The following ASIC2 variants were observed in gnomAD, a reference collection of about 807,000 sequenced individuals.
The protein encoded by ASIC2 is acid sensing ion channel subunit 2.
A neutral mutation model predicts 57.3 loss-of-function variants in ASIC2; 25 were observed. The ratio of observed to expected loss-of-function variants is 0.44; its 90% CI spans 0.32 to 0.61. The LOEUF is 0.61. Among genes scored for constraint, ASIC2 ranks in the 20% least tolerant of loss-of-function variants. ASIC2 has a pLI of 0.06. For synonymous variants in ASIC2, 319 were observed against 307.5 expected (o/e 1.04, Z -0.39); for missense variants, 641 against 738.1 (o/e 0.87, Z 1.52).
intron 1 of ASIC2, among the ~76,000 whole-genome samples, chr17:33,626,658 C>T (rs914282183): frequency 1.3e-5 from 2 of 152,118 alleles, no homozygotes; most frequent in East Asian, 1.9e-4. Context: ...AGCTGGAAGT[C>T]ACCCTAGAGG....
intron 1 of ASIC2, among the ~76,000 whole-genome samples, chr17:33,917,117 C>T (rs1378812514): frequency 6.6e-6 from 1 of 152,172 alleles, no homozygotes; most frequent in Non-Finnish European, 1.5e-5. Flanking sequence ...CCTTTCTAAT[C>T]ACATATTCTC....
chr17:33,639,337 A>G (rs372320963), intron 1 of ASIC2, among the ~76,000 whole-genome samples: 1 of 152,316 alleles, frequency 6.6e-6, no homozygotes, highest in South Asian at 2.1e-4. Flanking sequence ...GCAATCAGGC[A>G]GTTTATCTTC....
chr17:33,488,043 T>G (rs748450107), intron 1 of ASIC2, among the ~76,000 whole-genome samples: 9 of 152,202 alleles, frequency 5.9e-5, no homozygotes, highest in Non-Finnish European at 1.0e-4. Context: ...TATACATAGA[T>G]CCTATTAATT....
At chr17:33,240,742 G>T (rs566198490) in intron 1 of ASIC2, among the ~76,000 whole-genome samples, 1 of 152,236 alleles carries the variant, frequency 6.6e-6, no homozygotes, top group East Asian at 1.9e-4. Flanking sequence ...ATCCTGCGGG[G>T]TCCGTGCCCT....
chr17:33,447,186 C>T (rs1177048663), intron 1 of ASIC2, among the ~76,000 whole-genome samples: 4 of 152,134 alleles, frequency 2.6e-5, no homozygotes, highest in Admixed American at 2.6e-4. Flanking sequence ...ATGTTGATTA[C>T]ATGTAGTTGT....
chr17:33,089,029 C>T, intron 2 of ASIC2, 39 bp from the exon 3 acceptor site: 1 of 1,611,258 alleles, frequency 6.2e-7, no homozygotes, highest in South Asian at 1.1e-5. Flanking sequence ...GGGTCAGTAA[C>T]AACAGATGCT....
chr17:33,026,282 C>T (rs2091859058), intron 4 of ASIC2, among the ~76,000 whole-genome samples: 1 of 152,118 alleles, frequency 6.6e-6, no homozygotes, highest in South Asian at 2.1e-4. Flanking sequence ...CCGTGGGTGA[C>T]AGGTGGGCTC....
rs144142076 is a variant in ASIC2 at position 33,184,565 on chromosome 17, A to T, written c.709-72498T>A. Among the ~76,000 whole-genome samples the T allele has an allele frequency of 9.4e-4, 143 of 152,156 alleles. 4 individuals carry two copies. In the East Asian group the frequency reaches 0.022, roughly 24 times the overall value. ...AATGTGACTACTGAACCTGCTGGGG[A>T]TCATCTGGTCAGAGCAGTGCCACGT... On this transcript the variant is annotated intron_variant, in intron 1 of 9. Coordinates refer to ENST00000225823, the MANE Select transcript of ASIC2 (RefSeq NM_183377.2).
chr17:33,045,010 G>A (rs1319432963), intron 3 of ASIC2, among the ~76,000 whole-genome samples: 2 of 152,106 alleles, frequency 1.3e-5, no homozygotes, highest in Non-Finnish European at 2.9e-5. Context: ...GGTATAAAGA[G>A]GTATAAAGAG....
intron 1 of ASIC2, among the ~76,000 whole-genome samples, chr17:33,262,341 G>A (rs1373437118): frequency 2.0e-5 from 3 of 147,518 alleles, no homozygotes; most frequent in Admixed American, 6.8e-5. Flanking sequence ...GAGGGAGGGG[G>A]AGAAAAGGAG....
intron 1 of ASIC2, among the ~76,000 whole-genome samples, chr17:33,500,377 T>A (rs1169093090): frequency 2.0e-5 from 3 of 152,110 alleles, no homozygotes; most frequent in Non-Finnish European, 4.4e-5. Context: ...GCTCAGGAAG[T>A]CCCAGGGGAG....
At chr17:33,311,304 A>G (rs1455289297) in intron 1 of ASIC2, among the ~76,000 whole-genome samples, 1 of 152,190 alleles carries the variant, frequency 6.6e-6, no homozygotes, top group African/African-American at 2.4e-5. Flanking sequence ...CCTGGGATTT[A>G]AATTCAGGTC....
At chr17:33,080,793 A>G (rs1399171810) in intron 3 of ASIC2, among the ~76,000 whole-genome samples, 1 of 152,168 alleles carries the variant, frequency 6.6e-6, no homozygotes, top group African/African-American at 2.4e-5. Flanking sequence ...CGGGCAGTGT[A>G]TGTATGCAGC....
At chr17:33,578,797 T>C (rs1916738174) in intron 1 of ASIC2, among the ~76,000 whole-genome samples, 1 of 37,598 alleles carries the variant, frequency 2.7e-5, no homozygotes, top group African/African-American at 2.4e-4. Flanking sequence ...CTAAGATTAG[T>C]CTAGTCACAG....
intron 1 of ASIC2, among the ~76,000 whole-genome samples, chr17:33,428,605 T>A (rs1306105146): frequency 6.6e-6 from 1 of 152,098 alleles, no homozygotes; most frequent in African/African-American, 2.4e-5. Context: ...GGAAATCAAG[T>A]GGCCTCATTG....
At chr17:33,297,201 T>A (rs1905753190), upstream of ASIC2, among the ~76,000 whole-genome samples, 2 of 152,256 alleles carry the variant, frequency 1.3e-5, no homozygotes, top group Non-Finnish European at 2.9e-5. Context: ...CCAGGCTAAA[T>A]GTCACCAGTT....
At chr17:34,007,956 CT>C (rs1218484399) in intron 1 of ASIC2, among the ~76,000 whole-genome samples, 2 of 152,134 alleles carry the variant, frequency 1.3e-5, no homozygotes, top group Admixed American at 1.3e-4. Flanking sequence ...CACAAACATA[CT>C]CCTTGGTTCA....
At position 33,934,167 on chromosome 17, in the gene ASIC2, G is replaced by A. The variant is rs56118853; in HGVS notation, c.555+221811C>T. ...TGAACTTCCCAGGAAGCACATTCTC[G>A]GCAGGCCTGCCCTGTGATCTCACCT... On this transcript the variant is annotated intron_variant, in intron 1 of 9. Transcript: ENST00000359872. Among the ~76,000 whole-genome samples, 7 of 152,136 alleles carry A rather than the reference G, an allele frequency of 4.6e-5. No homozygotes were observed. The East Asian group carries it at 9.7e-4, about 21-fold the overall frequency.
chr17:33,904,168 A>T (rs1915295893), intron 1 of ASIC2, among the ~76,000 whole-genome samples: 2 of 150,084 alleles, frequency 1.3e-5, no homozygotes, highest in Non-Finnish European at 3.0e-5. Flanking sequence ...CGTCTCAAAA[A>T]AAAAAAAAAA....
Sources: allele counts gnomAD v4.1 joint callset (sites outside exome capture counted in the v4.1 genomes callset), GRCh38; gene constraint gnomAD v4.1.1; transcripts MANE v1.5; gene names NCBI Gene and HGNC (gene_info 2026-07-23, HGNC 2026-07-21).